FARS2: variants seen among roughly 807,000 people sequenced by gnomAD.
FARS2 encodes the protein phenylalanyl-tRNA synthetase 2, mitochondrial.
A neutral mutation model predicts 46.4 loss-of-function variants in FARS2; 40 were observed. The ratio of observed to expected loss-of-function variants is 0.86; its 90% confidence interval spans 0.67 to 1.12. The LOEUF (loss-of-function observed/expected upper bound fraction) is 1.12. Among genes scored for constraint, FARS2 ranks in the 50% most tolerant of loss-of-function variants. The probability of loss-of-function intolerance (pLI) is 0.00; values close to 1 mark genes in which losing one functional copy is unlikely to be tolerated. For synonymous variants in FARS2, 234 were observed against 214.9 expected (o/e 1.09, Z -0.78); for missense variants, 513 against 567.9 (o/e 0.90, Z 0.98).
At chr6:5,714,041 G>A (rs1235872535) in intron 6 of FARS2, among the ~76,000 whole-genome samples, 5 of 152,182 alleles carry the variant, frequency 3.3e-5, no homozygotes, top group African/African-American at 1.2e-4. Flanking sequence ...CCTGTGCAGA[G>A]AGCACATGTG....
At position 5,271,843 on chromosome 6, in the gene FARS2, G is replaced by T. The variant is rs1448345471; in HGVS notation, c.-22+10183G>T. Among the ~76,000 whole-genome samples, 16 of 152,116 alleles carry T rather than the reference G, an allele frequency of 1.1e-4. No homozygotes were observed. The East Asian group carries it at 3.1e-3, about 29-fold the overall frequency. ...CCCAAGTCTGTTTTTGATTACTATTGTTTCTTCAACATTTTACATCTAGCT... is the reference window on the plus strand; with the variant it reads ...CCCAAGTCTGTTTTTGATTACTATTTTTTCTTCAACATTTTACATCTAGCT... On this transcript the variant is annotated intron_variant, in intron 1 of 6. Coordinates refer to ENST00000274680, the MANE Select transcript of FARS2 (RefSeq NM_006567.5).
intron 4 of FARS2, among the ~76,000 whole-genome samples, chr6:5,542,231 A>T (rs1770682817): frequency 6.6e-6 from 1 of 152,070 alleles, no homozygotes; most frequent in South Asian, 2.1e-4. Context: ...AGCAGGTCTC[A>T]TCCTTATTTT....
At chr6:5,669,660 T>TA (rs1378214663) in intron 6 of FARS2, among the ~76,000 whole-genome samples, 2 of 152,176 alleles carry the variant, frequency 1.3e-5, no homozygotes, top group Non-Finnish European at 2.9e-5. Flanking sequence ...TGTGGTATTA[T>TA]AGGCCCAAGT....
At chr6:5,649,258 TC>T (rs1225443679) in intron 6 of FARS2, among the ~76,000 whole-genome samples, 2 of 152,244 alleles carry the variant, frequency 1.3e-5, no homozygotes, top group Non-Finnish European at 2.9e-5. Flanking sequence ...AAGGAACATT[TC>T]TTTGGGTGCT....
At chr6:5,643,407 A>G (rs1776920546) in intron 6 of FARS2, among the ~76,000 whole-genome samples, 1 of 152,196 alleles carries the variant, frequency 6.6e-6, no homozygotes, top group Admixed American at 6.5e-5. Flanking sequence ...GAATATAAGG[A>G]GAAAAACCTC....
chr6:5,343,190 A>G lies in FARS2; in HGVS notation c.-21-25360A>G, dbSNP rs910313670. Among the ~76,000 whole-genome samples the G allele has an allele frequency of 6.6e-6, 1 of 152,172 alleles. No individual in the cohort carries two copies. ...AAACTGTTGTTTATTACTGTAGACAAAACTGTACATTTCATTTATTTATCT... is the reference window on the plus strand; with the variant it reads ...AAACTGTTGTTTATTACTGTAGACAGAACTGTACATTTCATTTATTTATCT... On this transcript the variant is annotated intron_variant, in intron 1 of 6. Coordinates refer to ENST00000274680, the MANE Select transcript of FARS2 (RefSeq NM_006567.5). This position sits in a 1 kb window ranked among gnomAD's most constrained non-coding sequence, Gnocchi z 4.5.
intron 1 of FARS2, among the ~76,000 whole-genome samples, chr6:5,336,272 T>G (rs1771151309): frequency 6.6e-6 from 1 of 151,772 alleles, no homozygotes; most frequent in African/African-American, 2.4e-5. Flanking sequence ...ATATATCACT[T>G]CAGGGTTATA....
intron 1 of FARS2, among the ~76,000 whole-genome samples, chr6:5,281,124 T>C (rs1371936875): frequency 6.6e-6 from 1 of 152,236 alleles, no homozygotes; most frequent in African/African-American, 2.4e-5. Context: ...ATGCAACTGT[T>C]GTCTTATGAC....
intron 5 of FARS2, among the ~76,000 whole-genome samples, chr6:5,573,207 C>T (rs1582479334): frequency 6.6e-6 from 1 of 152,124 alleles, no homozygotes; most frequent in Admixed American, 6.5e-5. Context: ...AGTTCATGAC[C>T]AAGACATAGC....
chr6:5,756,691 T>C (rs1011357369), intron 6 of FARS2, among the ~76,000 whole-genome samples: 1 of 152,148 alleles, frequency 6.6e-6, no homozygotes, highest in African/African-American at 2.4e-5. Context: ...GTCAAAAAAA[T>C]CATATTAACA....
intron 6 of FARS2, among the ~76,000 whole-genome samples, chr6:5,732,793 A>G (rs1262520079): frequency 6.6e-6 from 1 of 150,730 alleles, no homozygotes; most frequent in Non-Finnish European, 1.5e-5. Context: ...AGAGATAGGT[A>G]GGACCTTTTC....
intron 4 of FARS2, among the ~76,000 whole-genome samples, chr6:5,539,191 A>G (rs924828063): frequency 2.7e-5 from 4 of 148,612 alleles, no homozygotes; most frequent in Admixed American, 1.3e-4. Flanking sequence ...CCAATCATCC[A>G]CTTAGGCCAG....
intron 6 of FARS2, among the ~76,000 whole-genome samples, chr6:5,620,275 T>G (rs915079904): frequency 6.6e-6 from 1 of 152,098 alleles, no homozygotes; most frequent in Non-Finnish European, 1.5e-5. Flanking sequence ...GTAGGCAAAA[T>G]TGCCCCCAGT....
intron 5 of FARS2, among the ~76,000 whole-genome samples, chr6:5,587,773 C>CG (rs1773698152): frequency 1.3e-5 from 2 of 152,102 alleles, no homozygotes; most frequent in Non-Finnish European, 2.9e-5. Flanking sequence ...TCATGAGCTC[C>CG]GGGGGTGGAC....
intron 6 of FARS2, among the ~76,000 whole-genome samples, chr6:5,671,399 G>A (rs1273134754): frequency 6.6e-6 from 1 of 152,220 alleles, no homozygotes; most frequent in Non-Finnish European, 1.5e-5. Flanking sequence ...TTAATGTGGT[G>A]TAGCAAGAGG....
upstream of FARS2, chr6:5,260,998 C>G (rs1581627956): frequency 1.8e-6 from 2 of 1,085,456 alleles, no homozygotes; most frequent in Non-Finnish European, 2.3e-6. Context: ...TCCGCCCCGC[C>G]CCGATCCCGC....
chr6:5,750,220 C>A (rs1761869032), intron 6 of FARS2, among the ~76,000 whole-genome samples: 1 of 151,952 alleles, frequency 6.6e-6, no homozygotes, highest in Non-Finnish European at 1.5e-5. Flanking sequence ...GGAGGACCTT[C>A]CAAGCAGAAA....
intron 6 of FARS2, among the ~76,000 whole-genome samples, chr6:5,721,755 A>G (rs1759925724): frequency 6.6e-6 from 1 of 152,220 alleles, no homozygotes; most frequent in African/African-American, 2.4e-5. Flanking sequence ...TTGGCCAAAA[A>G]CACTGTCAGT....
chr6:5,500,629 C>T (rs1411370558), intron 4 of FARS2, among the ~76,000 whole-genome samples: 1 of 152,040 alleles, frequency 6.6e-6, no homozygotes, highest in African/African-American at 2.4e-5. Flanking sequence ...TACCAGGGTA[C>T]CATGGTTAAG....
Sources: gnomAD v4.1 joint callset for allele counts (sites outside exome capture counted in the v4.1 genomes callset) on GRCh38, gnomAD v4.1.1 for gene constraint, Gnocchi (gnomAD v3.1) non-coding constraint, MANE v1.5 for transcripts, NCBI Gene and HGNC (gene_info 2026-07-23, HGNC 2026-07-21) for gene names.